The following PHF20L1 variants were observed in gnomAD, a reference collection of about 807,000 sequenced individuals.
PHF20L1 encodes the protein PHD finger protein 20-like protein 1.
A neutral mutation model predicts 125.5 loss-of-function variants in PHF20L1; 44 were observed. The ratio of observed to expected loss-of-function variants is 0.35; its 90% CI spans 0.28 to 0.45. The LOEUF (loss-of-function observed/expected upper bound fraction) is 0.45, where lower values mean the gene tolerates loss of function less well. Ranked by LOEUF, PHF20L1 falls within the 20% of genes least tolerant of loss-of-function variation. The pLI is 1.00. For synonymous variants in PHF20L1, 380 were observed against 403.1 expected (o/e 0.94, Z 0.69); for missense variants, 1,012 against 1,217.2 (o/e 0.83, Z 2.51).
chr8:132,785,192 A>G (rs1043449412), intron 2 of PHF20L1, among the ~76,000 whole-genome samples: 2 of 152,078 alleles, frequency 1.3e-5, no homozygotes, highest in South Asian at 4.1e-4. Flanking sequence ...CCAGCTCCCT[A>G]TTTGTTACAT....
chr8:132,805,306 A>ATAGTT (rs1264673412), intron 8 of PHF20L1, among the ~76,000 whole-genome samples: 1 of 151,724 alleles, frequency 6.6e-6, no homozygotes, highest in East Asian at 1.9e-4. Flanking sequence ...ATGATTTCTT[A>ATAGTT]TAGTTTAGTT....
rs752745571 is a variant in PHF20L1, at chr8:132,846,139, G to A, written c.*216G>A. 5 of 479,830 alleles carry A rather than the reference G, an allele frequency of 1.0e-5. No homozygotes were observed. Among genetic ancestry groups the A allele is most frequent in the Admixed American group, 3.3e-5 (1 of 30,132 alleles). 29.7% of individuals were successfully genotyped at this position (479,830 alleles called of 1,614,324 possible). A position where few individuals can be genotyped will look rare whatever the true frequency, so the allele number is the denominator to read the frequency against. The stretch of plus-strand genomic sequence containing the variant: ...ACAAATTCATGAGCAAGCTGCAAAT[G>A]AGAATGTGTTATATGCCAAGGAACA... On this transcript the variant is annotated 3_prime_UTR_variant, in exon 21 of 21. Coordinates refer to ENST00000395386, the MANE Select transcript of PHF20L1 (RefSeq NM_016018.5).
chr8:132,821,917 C>T (rs887396058), intron 12 of PHF20L1, among the ~76,000 whole-genome samples: 3 of 151,800 alleles, frequency 2.0e-5, no homozygotes, highest in Non-Finnish European at 2.9e-5. Flanking sequence ...ACTTTGGTCA[C>T]CAAATTCTAG....
chr8:132,809,011 A>G (rs753693123), intron 8 of PHF20L1: 1 of 151,434 alleles, frequency 6.6e-6, no homozygotes, highest in Admixed American at 6.6e-5. Context: ...AACCTTAAAT[A>G]CCAGTTTTAA....
chr8:132,784,940 G>A (rs1266918948), intron 2 of PHF20L1, among the ~76,000 whole-genome samples: 1 of 152,138 alleles, frequency 6.6e-6, no homozygotes, highest in East Asian at 1.9e-4. Context: ...TAAATTTCAA[G>A]TTTATCCATC....
chr8:132,812,869 T>A, intron 9 of PHF20L1: 2 of 981,458 alleles, frequency 2.0e-6, no homozygotes, highest in Non-Finnish European at 2.4e-6. Flanking sequence ...AAACTTACTG[T>A]GCTAATGGAC....
rs1832185149 is a variant in PHF20L1, at chr8:132,794,788, C to T, written c.311C>T (p.Pro104Leu). Residue 104 changes from proline to leucine, a missense_variant, in exon 4 of 21, where the codon CCT (proline) becomes CTT (leucine). This residue lies in a region of PHF20L1 where 94 missense variants were observed against 179.5 expected (regional missense o/e 0.52). Coordinates refer to ENST00000395386, the MANE Select transcript of PHF20L1 (RefSeq NM_016018.5). ...LARWTDCRYYPAKIEAINKEG... is the reference protein window; with the variant it reads ...LARWTDCRYYLAKIEAINKEG... ...CGTTGGACAGACTGTCGCTATTACC[C>T]TGCCAAGATTGAAGCAATTAACAAA... 6.2e-7 allele frequency: 1 copy of T among 1,611,788 alleles called. No homozygotes were observed. The highest frequency in any genetic ancestry group is 1.3e-5 in the African/African-American group (1 of 74,834).
intron 1 of PHF20L1, among the ~76,000 whole-genome samples, 169 bp downstream of exon 1, chr8:132,775,814 C>A (rs1318584537): frequency 6.6e-6 from 1 of 152,162 alleles, no homozygotes; most frequent in African/African-American, 2.4e-5. Context: ...CCCTCCCTTC[C>A]TTACCCCCCT....
At chr8:132,823,979 T>TA (rs762978566) in intron 12 of PHF20L1, 25 bp from the exon 13 acceptor site, 9 of 1,454,088 alleles carry the variant, frequency 6.2e-6, no homozygotes, top group Admixed American at 3.7e-5. Context: ...TGATTAAACT[T>TA]ACATATTTTT....
chr8:132,796,297 G>A (rs1832383867), intron 4 of PHF20L1, among the ~76,000 whole-genome samples: 1 of 151,982 alleles, frequency 6.6e-6, no homozygotes, highest in African/African-American at 2.4e-5. Flanking sequence ...GGAGAGAAAG[G>A]CAAAGATTGG....
At chr8:132,813,296 T>A (rs1834589978) in intron 9 of PHF20L1, 1 of 165,108 alleles carries the variant, frequency 6.1e-6, no homozygotes, top group African/African-American at 2.4e-5. Context: ...CTTATACACA[T>A]TTATAATGAG....
At chr8:132,840,341 C>T (rs535458304) in intron 18 of PHF20L1, among the ~76,000 whole-genome samples, 1 of 152,146 alleles carries the variant, frequency 6.6e-6, no homozygotes, top group South Asian at 2.1e-4. Context: ...GTCTGTTCCT[C>T]TCTCACTTCT....
chr8:132,830,917 C>T (rs1249973875), intron 14 of PHF20L1, among the ~76,000 whole-genome samples: 1 of 152,036 alleles, frequency 6.6e-6, no homozygotes, highest in Admixed American at 6.6e-5. Context: ...TTGTTGCTCA[C>T]GCATAAACCT....
chr8:132,845,281 A>T (rs1587114172), intron 20 of PHF20L1, among the ~76,000 whole-genome samples: 2 of 152,060 alleles, frequency 1.3e-5, no homozygotes, highest in East Asian at 3.9e-4. Context: ...AAAATAGTGG[A>T]ACTGAAAAGA....
intron 4 of PHF20L1, 65 bp from the exon 5 acceptor site, chr8:132,798,707 G>A (rs1832697231): frequency 1.0e-6 from 1 of 1,003,884 alleles, no homozygotes; most frequent in Non-Finnish European, 1.5e-6. Context: ...CTACTTGTTA[G>A]ATTTCAAGTG....
intron 15 of PHF20L1, among the ~76,000 whole-genome samples, chr8:132,834,371 T>C (rs1169581227): frequency 1.3e-5 from 2 of 152,250 alleles, no homozygotes; most frequent in East Asian, 3.9e-4. Context: ...GATCTTGCTC[T>C]GTTGCCTAGG....
chr8:132,789,740 A>G (rs1187271022), intron 2 of PHF20L1, among the ~76,000 whole-genome samples: 1 of 152,138 alleles, frequency 6.6e-6, no homozygotes, highest in Admixed American at 6.5e-5. Flanking sequence ...TAACATTTAA[A>G]CAATGCATGA....
chr8:132,840,641 A>G (rs915291523), intron 18 of PHF20L1, among the ~76,000 whole-genome samples: 3 of 152,018 alleles, frequency 2.0e-5, no homozygotes, highest in African/African-American at 4.8e-5. Context: ...ATCCCAAACC[A>G]TAATCCCTAA....
At chr8:132,803,076 A>G (rs563770772) in intron 6 of PHF20L1, among the ~76,000 whole-genome samples, 1 of 151,834 alleles carries the variant, frequency 6.6e-6, no homozygotes, top group Non-Finnish European at 1.5e-5. Context: ...AGTAAAATGT[A>G]TTTAGCAACA....
Sources: gnomAD v4.1 joint callset for allele counts (sites outside exome capture counted in the v4.1 genomes callset) on GRCh38, gnomAD v4.1.1 for gene constraint, gnomAD v4.1.1 regional missense constraint, MANE v1.5 for transcripts, NCBI Gene and HGNC (gene_info 2026-07-23, HGNC 2026-07-21) for gene names.